PALLD: variants seen among roughly 807,000 people sequenced by gnomAD.
PALLD encodes the protein palladin, cytoskeletal associated protein.
A neutral mutation model predicts 123.5 loss-of-function variants in PALLD; 61 were observed. The ratio of observed to expected loss-of-function variants is 0.49; its 90% CI spans 0.40 to 0.61. The LOEUF (loss-of-function observed/expected upper bound fraction) is 0.61. PALLD is among the 20% of genes least tolerant of loss of function. The pLI is 0.00. For synonymous variants in PALLD, 465 were observed against 496.4 expected (o/e 0.94, Z 0.84); for missense variants, 1,273 against 1,377.0 (o/e 0.92, Z 1.20).
chr4:168,686,684 A>C (rs1240820469), intron 6 of PALLD: 1 of 152,186 alleles, frequency 6.6e-6, no homozygotes, highest in African/African-American at 2.4e-5. Context: ...TATCATCTCG[A>C]TCTTAGTATA....
At chr4:168,895,315 G>A (rs532102139) in intron 12 of PALLD, among the ~76,000 whole-genome samples, 3 of 152,322 alleles carry the variant, frequency 2.0e-5, no homozygotes, top group African/African-American at 4.8e-5. Context: ...CCGGGAGGTG[G>A]AGGTTGCAGT....
chr4:168,545,695 T>A (rs1005135084), intron 2 of PALLD, among the ~76,000 whole-genome samples: 5 of 152,216 alleles, frequency 3.3e-5, no homozygotes, highest in African/African-American at 1.2e-4. Context: ...GTTGTGTGAC[T>A]ATTGCACTGC....
At chr4:168,873,803 C>A (rs1234570877) in intron 10 of PALLD, among the ~76,000 whole-genome samples, 1 of 152,170 alleles carries the variant, frequency 6.6e-6, no homozygotes, top group Non-Finnish European at 1.5e-5. Flanking sequence ...TGGGGATAAC[C>A]ATCCCTGCCT....
intron 3 of PALLD, among the ~76,000 whole-genome samples, chr4:168,679,471 TGGGGGGGTGTG>T: frequency 1.8e-5 from 1 of 56,262 alleles, no homozygotes; most frequent in African/African-American, 7.9e-5. Context: ...TGGACGTGTG[TGGGGGGGTGTG>T]GTGTGTGGTG....
At position 168,737,785 on chromosome 4, in the gene PALLD, C is replaced by T. The variant is rs572481653; in HGVS notation, c.1964+25862C>T. On this transcript the variant is annotated intron_variant, in intron 10 of 21. Coordinates refer to ENST00000505667, the MANE Select transcript of PALLD (RefSeq NM_001166108.2). The stretch of plus-strand genomic sequence containing the variant: ...CAAGTAAGAAAGAGAAGAAATAATT[C>T]GGCCCATACCTCTAACCCTTCCAAA... 1.9e-4 allele frequency among the ~76,000 whole-genome samples: 29 copies of T among 152,260 alleles called. 1 individual carries two copies. The highest frequency in any genetic ancestry group is 5.8e-4 in the African/African-American group (24 of 41,554).
chr4:168,507,137 G>C (rs1762085997), intron 1 of PALLD, among the ~76,000 whole-genome samples: 1 of 151,914 alleles, frequency 6.6e-6, no homozygotes, highest in Non-Finnish European at 1.5e-5. Context: ...ACTGCAAAAG[G>C]CTCAAATCAA....
At chr4:168,647,293 T>G (rs1455101137) in intron 2 of PALLD, among the ~76,000 whole-genome samples, 1 of 152,206 alleles carries the variant, frequency 6.6e-6, no homozygotes, top group African/African-American at 2.4e-5. Context: ...AAGGTTAGGC[T>G]GACTATAAAG....
intron 17 of PALLD, 92 bp downstream of exon 17, chr4:168,916,119 G>A: frequency 7.8e-7 from 1 of 1,279,846 alleles, no homozygotes; most frequent in Non-Finnish European, 1.1e-6. Flanking sequence ...ATTACATAAA[G>A]TATAAAATGA....
chr4:168,595,629 T>A, intron 2 of PALLD, among the ~76,000 whole-genome samples: 1 of 152,166 alleles, frequency 6.6e-6, no homozygotes, highest in Non-Finnish European at 1.5e-5. Context: ...TTAACCCATT[T>A]ATAGTGAAGC....
At chr4:168,698,272 A>G (rs548985395) in intron 8 of PALLD, among the ~76,000 whole-genome samples, 1 of 152,336 alleles carries the variant, frequency 6.6e-6, no homozygotes, top group South Asian at 2.1e-4. Flanking sequence ...GAAAGAAAGA[A>G]TAAGACCTAG....
chr4:168,633,430 A>G (rs1776030363), intron 2 of PALLD, among the ~76,000 whole-genome samples: 1 of 152,218 alleles, frequency 6.6e-6, no homozygotes, highest in Non-Finnish European at 1.5e-5. Flanking sequence ...TTAGGAGGCT[A>G]TAAAATAACA....
chr4:168,544,437 T>C (rs1192531317), intron 2 of PALLD, among the ~76,000 whole-genome samples: 5 of 152,248 alleles, frequency 3.3e-5, no homozygotes, highest in Non-Finnish European at 1.5e-5. Context: ...GTTAATTACC[T>C]ATTTATAGGT....
chr4:168,681,003 A>AAC (rs2150082724), intron 3 of PALLD, among the ~76,000 whole-genome samples: 1 of 152,322 alleles, frequency 6.6e-6, no homozygotes, highest in South Asian at 2.1e-4. Flanking sequence ...TCTTCACACA[A>AAC]ACACACACAC....
intron 10 of PALLD, among the ~76,000 whole-genome samples, chr4:168,779,507 A>T (rs1735603760): frequency 6.6e-6 from 1 of 150,914 alleles, no homozygotes; most frequent in Non-Finnish European, 1.5e-5. Flanking sequence ...AAAATCATAT[A>T]TATATAAAAT....
chr4:168,771,080 A>AC (rs1734366145), intron 10 of PALLD, among the ~76,000 whole-genome samples: 2 of 126,098 alleles, frequency 1.6e-5, no homozygotes, highest in African/African-American at 2.8e-5. Flanking sequence ...AAAAAACAAA[A>AC]AAAAAACCTT....
intron 1 of PALLD, among the ~76,000 whole-genome samples, chr4:168,500,540 T>C (rs563165671): frequency 6.6e-6 from 1 of 150,382 alleles, no homozygotes; most frequent in African/African-American, 2.4e-5. Context: ...AGTTTTTGGG[T>C]TTTTTTTTGT....
At chr4:168,860,292 C>T (rs1749264798) in intron 10 of PALLD, among the ~76,000 whole-genome samples, 1 of 152,210 alleles carries the variant, frequency 6.6e-6, no homozygotes, top group African/African-American at 2.4e-5. Context: ...ACCAGACCCT[C>T]AACCACAGCC....
chr4:168,835,584 C>A (rs1745041434), intron 10 of PALLD, among the ~76,000 whole-genome samples: 2 of 152,004 alleles, frequency 1.3e-5, no homozygotes, highest in South Asian at 4.2e-4. Context: ...TTTGAGATTG[C>A]ACGAATTTAA....
At chr4:168,870,322 A>G (rs1188818358) in intron 10 of PALLD, among the ~76,000 whole-genome samples, 1 of 152,216 alleles carries the variant, frequency 6.6e-6, no homozygotes, top group Non-Finnish European at 1.5e-5. Flanking sequence ...GGTAGAATTT[A>G]TCTATAGGTA....
Sources: gnomAD v4.1 joint callset for allele counts (sites outside exome capture counted in the v4.1 genomes callset) on GRCh38, gnomAD v4.1.1 for gene constraint, MANE v1.5 for transcripts, NCBI Gene and HGNC (gene_info 2026-07-23, HGNC 2026-07-21) for gene names.